The following CADM2 variants were observed in gnomAD, a reference collection of about 807,000 sequenced individuals.
The protein encoded by CADM2 is cell adhesion molecule 2.
Under a neutral mutation model 49.8 loss-of-function variants are expected in CADM2, and 12 were observed. That is an observed-to-expected ratio of 0.24 (90% CI 0.15 to 0.39). The LOEUF (loss-of-function observed/expected upper bound fraction) is 0.39. Ranked by LOEUF, CADM2 falls within the 10% of genes least tolerant of loss-of-function variation. The pLI is 1.00. For missense variants in CADM2, 378 were observed against 492.3 expected (o/e 0.77, Z 2.20); for synonymous variants, 214 against 175.4 (o/e 1.22, Z -1.74).
chr3:85,193,346 TA>T (rs939106899), intron 1 of CADM2, among the ~76,000 whole-genome samples: 1 of 125,366 alleles, frequency 8.0e-6, no homozygotes, highest in Non-Finnish European at 1.7e-5. Context: ...AATTTGTATC[TA>T]AAAATCTATC....
rs72915077 is a variant in CADM2 at position 85,234,213 on chromosome 3, C to T, written c.61+274545C>T. ...GATATTTAACCACTATATCATGCTA[C>T]CTTCCACCAGCTACCATTTCAACTT... On this transcript the variant is annotated intron_variant, in intron 1 of 9. Coordinates refer to ENST00000383699, the MANE Select transcript of CADM2 (RefSeq NM_001167675.2). Among the ~76,000 whole-genome samples the T allele has an allele frequency of 6.3e-3, 961 of 152,186 alleles. 13 individuals carry two copies. The highest frequency in any genetic ancestry group is 0.022 in the African/African-American group (897 of 41,546).
chr3:85,964,235 T>C (rs74422067), intron 8 of CADM2, among the ~76,000 whole-genome samples: 1 of 151,802 alleles, frequency 6.6e-6, no homozygotes. Flanking sequence ...GTGAGAACTT[T>C]ACCCTTTTAT....
At chr3:85,580,802 A>G (rs922210729) in intron 1 of CADM2, among the ~76,000 whole-genome samples, 11 of 152,150 alleles carry the variant, frequency 7.2e-5, no homozygotes, top group African/African-American at 2.4e-4. Context: ...ATTTTATATT[A>G]TAATAATCTT....
At chr3:85,218,472 G>A (rs888814852) in intron 1 of CADM2, among the ~76,000 whole-genome samples, 1 of 152,096 alleles carries the variant, frequency 6.6e-6, no homozygotes, top group Non-Finnish European at 1.5e-5. Context: ...ATGATTAAGA[G>A]AAATGTACTT....
At chr3:85,598,728 A>T (rs1193348361) in intron 1 of CADM2, among the ~76,000 whole-genome samples, 1 of 151,780 alleles carries the variant, frequency 6.6e-6, no homozygotes, top group Non-Finnish European at 1.5e-5. Context: ...AAAAAATTTT[A>T]AATTCCAGTA....
chr3:84,989,567 A>C (rs1280316937), intron 1 of CADM2, among the ~76,000 whole-genome samples: 2 of 152,080 alleles, frequency 1.3e-5, no homozygotes, highest in Non-Finnish European at 2.9e-5. Context: ...TTTATAAACA[A>C]GTGCTTGCTT....
chr3:85,713,848 T>G (rs976448874), intron 1 of CADM2, among the ~76,000 whole-genome samples: 2 of 152,240 alleles, frequency 1.3e-5, no homozygotes, highest in Non-Finnish European at 2.9e-5. Context: ...GTTAAGTATT[T>G]GGACCTTAGT....
At chr3:85,472,098 C>A (rs1224578749) in intron 1 of CADM2, among the ~76,000 whole-genome samples, 2 of 151,758 alleles carry the variant, frequency 1.3e-5, no homozygotes, top group Non-Finnish European at 2.9e-5. Context: ...TCTCTTATTT[C>A]TTCTGGGGAC....
intron 8 of CADM2, among the ~76,000 whole-genome samples, chr3:86,022,579 TG>T (rs1246860716): frequency 6.6e-6 from 1 of 152,196 alleles, no homozygotes; most frequent in Non-Finnish European, 1.5e-5. Flanking sequence ...ACCTTGCTTT[TG>T]TCAAAACTGT....
At chr3:85,049,933 C>T (rs2035817701) in intron 1 of CADM2, among the ~76,000 whole-genome samples, 1 of 152,126 alleles carries the variant, frequency 6.6e-6, no homozygotes, top group Non-Finnish European at 1.5e-5. Flanking sequence ...TCCCCACTTA[C>T]CTCACCATCT....
At chr3:85,927,341 G>A (rs938471078) in intron 6 of CADM2, among the ~76,000 whole-genome samples, 5 of 152,132 alleles carry the variant, frequency 3.3e-5, no homozygotes, top group Non-Finnish European at 5.9e-5. Flanking sequence ...GCTTTGATAA[G>A]CATGCATCCT....
intron 1 of CADM2, among the ~76,000 whole-genome samples, chr3:85,153,253 C>T (rs560888653): frequency 1.2e-4 from 18 of 152,228 alleles, no homozygotes; most frequent in East Asian, 5.8e-4. Context: ...CGAAGCAGGG[C>T]GAGGCATTGC....
intron 1 of CADM2, among the ~76,000 whole-genome samples, chr3:85,593,160 T>C (rs1304670950): frequency 2.0e-5 from 3 of 151,610 alleles, no homozygotes; most frequent in South Asian, 2.1e-4. Flanking sequence ...TGCTTTCCTT[T>C]TAATAAGATT....
chr3:85,108,154 A>G (rs749555394), intron 1 of CADM2, among the ~76,000 whole-genome samples: 4 of 152,148 alleles, frequency 2.6e-5, no homozygotes, highest in Non-Finnish European at 5.9e-5. Context: ...ACAATAGCCA[A>G]TAGTTGGAAA....
chr3:85,674,889 AT>A (rs1471999448), intron 1 of CADM2, among the ~76,000 whole-genome samples: 2 of 152,104 alleles, frequency 1.3e-5, no homozygotes, highest in Non-Finnish European at 2.9e-5. Context: ...TAAATATCGA[AT>A]TTCTGTTTGC....
At chr3:85,756,606 C>A (rs994999374) in intron 2 of CADM2, among the ~76,000 whole-genome samples, 1 of 152,026 alleles carries the variant, frequency 6.6e-6, no homozygotes, top group Non-Finnish European at 1.5e-5. Flanking sequence ...TTCTTACATA[C>A]GGACATCATA....
chr3:85,961,685 GC>G, intron 8 of CADM2, 38 bp downstream of exon 8: 1 of 1,419,786 alleles, frequency 7.0e-7, no homozygotes, highest in Non-Finnish European at 9.5e-7. Flanking sequence ...GTGAAAGGAT[GC>G]ATAACTTGAA....
chr3:85,810,173 A>G (rs1559673819), intron 3 of CADM2, among the ~76,000 whole-genome samples: 1 of 152,114 alleles, frequency 6.6e-6, no homozygotes, highest in South Asian at 2.1e-4. Context: ...GTTAAGAGCT[A>G]TGACTGGCTG....
intron 1 of CADM2, among the ~76,000 whole-genome samples, chr3:85,160,254 C>A (rs72907167): frequency 0.06 from 9,182 of 152,066 alleles, 925 homozygotes; most frequent in African/African-American, 0.21. Context: ...CTTCCCAAAC[C>A]CAAAATTATT....
Sources: allele counts gnomAD v4.1 joint callset (sites outside exome capture counted in the v4.1 genomes callset), GRCh38; gene constraint gnomAD v4.1.1; transcripts MANE v1.5; gene names NCBI Gene and HGNC (gene_info 2026-07-23, HGNC 2026-07-21).